AXDND1: variants seen among roughly 807,000 people sequenced by gnomAD.
The protein encoded by AXDND1 is axonemal dynein light chain domain containing 1, also known as axonemal dynein light chain domain-containing protein 1.
A neutral mutation model predicts 137.5 loss-of-function variants in AXDND1; 110 were observed. That is an observed-to-expected ratio of 0.80 (90% CI 0.69 to 0.94). AXDND1 has a LOEUF of 0.94. Ranked by LOEUF, AXDND1 falls within the 40% of genes least tolerant of loss-of-function variation. AXDND1 has a pLI of 0.00. For synonymous variants in AXDND1, 414 were observed against 399.7 expected (o/e 1.04, Z -0.43); for missense variants, 1,191 against 1,169.8 (o/e 1.02, Z -0.26).
rs2274622 is a variant in AXDND1 at position 179,550,915 on chromosome 1, T to C, written c.3032-3597T>C. 140,066 of 512,930 alleles carry C rather than the reference T, an allele frequency of 0.27. 20,589 individuals are homozygous for C. The highest frequency in any genetic ancestry group is 0.38 in the East Asian group (10,453 of 27,662). The allele number at this position is 512,930 out of a possible 1,614,324, so 31.8% of individuals were successfully genotyped here. On this transcript the variant is annotated intron_variant, in intron 25 of 25. Transcript: ENST00000367618. The stretch of plus-strand genomic sequence containing the variant: ...AACCACATCTAGACTCAAAATTCTT[T>C]CCAAAGTAGAATGTTGACCAAAGCT...
At chr1:179,475,275 C>G (rs1399175780) in intron 17 of AXDND1, among the ~76,000 whole-genome samples, 1 of 152,212 alleles carries the variant, frequency 6.6e-6, no homozygotes, top group Non-Finnish European at 1.5e-5. Context: ...CCACTGTCCT[C>G]CAGACCTCAG....
intron 21 of AXDND1, among the ~76,000 whole-genome samples, chr1:179,517,362 C>T (rs1669642367): frequency 6.6e-6 from 1 of 152,228 alleles, no homozygotes. Flanking sequence ...GAGAACTTGT[C>T]CCATGCTACC....
intron 18 of AXDND1, among the ~76,000 whole-genome samples, chr1:179,487,979 G>C (rs1278176087): frequency 8.4e-6 from 1 of 119,684 alleles, no homozygotes; most frequent in Non-Finnish European, 1.7e-5. Context: ...CTGTGAAACA[G>C]AGTGAGACCA....
intron 21 of AXDND1, among the ~76,000 whole-genome samples, chr1:179,520,867 TAC>T (rs937866248): frequency 3.8e-4 from 56 of 148,582 alleles, no homozygotes; most frequent in African/African-American, 1.3e-3. Context: ...TATATATATA[TAC>T]AGTTATATAT....
At chr1:179,427,241 TCAC>T (rs919737828) in intron 12 of AXDND1, among the ~76,000 whole-genome samples, 4 of 152,064 alleles carry the variant, frequency 2.6e-5, no homozygotes, top group African/African-American at 7.2e-5. Flanking sequence ...CACAAAATCT[TCAC>T]CAAGAGAACA....
chr1:179,367,113 T>G (rs1667506671), intron 2 of AXDND1, among the ~76,000 whole-genome samples: 1 of 151,646 alleles, frequency 6.6e-6, no homozygotes, highest in Non-Finnish European at 1.5e-5. Context: ...CCCAGCTTAC[T>G]CTGGAGGCTG....
At chr1:179,501,887 TG>T (rs1668036413) in intron 20 of AXDND1, among the ~76,000 whole-genome samples, 1 of 152,088 alleles carries the variant, frequency 6.6e-6, no homozygotes. Flanking sequence ...TCTAAGATCT[TG>T]GGGGTAGGAA....
intron 9 of AXDND1, among the ~76,000 whole-genome samples, chr1:179,392,020 T>G (rs969357013): frequency 6.6e-6 from 1 of 152,210 alleles, no homozygotes; most frequent in Admixed American, 6.5e-5. Context: ...TAAATTACCC[T>G]GTCTTGGGTA....
chr1:179,490,286 GT>G (rs1159187814), intron 18 of AXDND1, among the ~76,000 whole-genome samples: 6 of 152,190 alleles, frequency 3.9e-5, no homozygotes, highest in Non-Finnish European at 8.8e-5. Flanking sequence ...AGTAGATCAT[GT>G]TTAAGCCTAG....
rs1034981398 is a variant in AXDND1 at position 179,379,439 on chromosome 1, A to G, written c.538A>G (p.Ile180Val). The G allele has an allele frequency of 2.5e-6, 4 of 1,613,774 alleles. No individual in the cohort carries two copies. Among genetic ancestry groups the G allele is most frequent in the Middle Eastern group, 1.7e-4 (1 of 6,022 alleles). The change falls in exon 6 of 26, where the codon ATT (isoleucine) becomes GTT (valine). Residue 180 changes from isoleucine (I) to valine (V), a missense_variant. Physicochemically the swap from Ile to Val is conservative, Grantham distance 29. Transcript: ENST00000367618. ...TDTLIPEEFH[I>V]VSSTGVSGLE... ...TACTTTGATTCCTGAAGAATTTCAT[A>G]TTGTGTCAAGTACAGGAGTTTCAGG... is the stretch of plus-strand genomic sequence containing the variant.
At chr1:179,491,783 G>T in intron 19 of AXDND1, 46 bp downstream of exon 19, 1 of 1,436,716 alleles carries the variant, frequency 7.0e-7, no homozygotes, top group Non-Finnish European at 9.3e-7. Context: ...ATTGAATGTC[G>T]CATATAACAG....
At chr1:179,550,597 C>CT (rs1430638567) in intron 25 of AXDND1, 26 of 153,602 alleles carry the variant, frequency 1.7e-4, no homozygotes, top group African/African-American at 6.3e-4. Context: ...GTACATCTCT[C>CT]TTTTTTGCAT....
intron 15 of AXDND1, among the ~76,000 whole-genome samples, chr1:179,444,090 T>A (rs567435876): frequency 6.6e-6 from 1 of 151,876 alleles, no homozygotes; most frequent in Non-Finnish European, 1.5e-5. Flanking sequence ...CTGGAGGTTT[T>A]GACATGCATA....
chr1:179,489,560 C>A (rs1489910117), intron 18 of AXDND1, among the ~76,000 whole-genome samples: 1 of 152,084 alleles, frequency 6.6e-6, no homozygotes, highest in Non-Finnish European at 1.5e-5. Context: ...GAAGTAGTAT[C>A]TTTTTCTTGT....
At chr1:179,466,316 A>G (rs1236328020) in intron 16 of AXDND1, among the ~76,000 whole-genome samples, 2 of 97,654 alleles carry the variant, frequency 2.0e-5, no homozygotes, top group Non-Finnish European at 3.9e-5. Context: ...GATGGGGTCT[A>G]ATTATGTTGC....
chr1:179,417,045 G>C (rs572009507), intron 12 of AXDND1, among the ~76,000 whole-genome samples: 7 of 152,240 alleles, frequency 4.6e-5, no homozygotes, highest in Non-Finnish European at 2.9e-5. Flanking sequence ...GGGGTGAGAT[G>C]ATATCTCATT....
intron 17 of AXDND1, among the ~76,000 whole-genome samples, chr1:179,473,602 T>C (rs1465298140): frequency 6.6e-6 from 1 of 152,196 alleles, no homozygotes; most frequent in African/African-American, 2.4e-5. Context: ...GTGGTATAAT[T>C]TTATGCACAT....
intron 20 of AXDND1, among the ~76,000 whole-genome samples, chr1:179,493,427 A>G (rs921165198): frequency 2.0e-5 from 3 of 152,190 alleles, no homozygotes; most frequent in Non-Finnish European, 2.9e-5. Context: ...AATTGTTTCC[A>G]GTTTTAAATT....
chr1:179,480,404 C>G (rs994072206), intron 17 of AXDND1, among the ~76,000 whole-genome samples: 1 of 152,162 alleles, frequency 6.6e-6, no homozygotes, highest in Non-Finnish European at 1.5e-5. Flanking sequence ...TTCACTACCA[C>G]GAGAACAGTA....
Sources: allele counts gnomAD v4.1 joint callset (sites outside exome capture counted in the v4.1 genomes callset), GRCh38; gene constraint gnomAD v4.1.1; transcripts MANE v1.5; gene names NCBI Gene and HGNC (gene_info 2026-07-23, HGNC 2026-07-21).